Variants in NKTR observed in about 807,000 individuals in gnomAD.
NKTR encodes the protein NK-tumor recognition protein.
NKTR carries 67 observed loss-of-function variants against 156.3 expected under a neutral mutation model. That is an observed-to-expected ratio of 0.43 (90% CI 0.35 to 0.53). NKTR has a LOEUF of 0.53. Among genes scored for constraint, NKTR ranks in the 20% least tolerant of loss-of-function variants. The pLI is 0.01. For missense variants in NKTR, 1,604 were observed against 1,730.9 expected (o/e 0.93, Z 1.30); for synonymous variants, 640 against 596.6 (o/e 1.07, Z -1.06).
chr3:42,636,195 T>C (rs1298713210), intron 12 of NKTR, among the ~76,000 whole-genome samples: 1 of 152,168 alleles, frequency 6.6e-6, no homozygotes, highest in Non-Finnish European at 1.5e-5. Context: ...TCTTTTTCTC[T>C]GGGGACATCC....
At chr3:42,616,675 C>T (rs1391693103) in intron 2 of NKTR, among the ~76,000 whole-genome samples, 4 of 152,190 alleles carry the variant, frequency 2.6e-5, no homozygotes, top group Non-Finnish European at 5.9e-5. Context: ...AAGTTGCTGA[C>T]TTTTCCTTGT....
At chr3:42,613,752 A>G (rs1232841292) in intron 2 of NKTR, among the ~76,000 whole-genome samples, 1 of 152,202 alleles carries the variant, frequency 6.6e-6, no homozygotes, top group Non-Finnish European at 1.5e-5. Flanking sequence ...TCTGTAGTCA[A>G]AGCTTAACAT....
At chr3:42,630,340 A>T (rs1577526203) in intron 6 of NKTR, 2 of 1,391,732 alleles carry the variant, frequency 1.4e-6, no homozygotes, top group East Asian at 2.6e-5. Context: ...GTAATTCATT[A>T]TAATCTTGAG....
At chr3:42,608,764 C>G (rs1266551297) in intron 2 of NKTR, among the ~76,000 whole-genome samples, 1 of 152,122 alleles carries the variant, frequency 6.6e-6, no homozygotes, top group Non-Finnish European at 1.5e-5. Context: ...GGGGGTCTGC[C>G]AAGAGTCTCT....
intron 7 of NKTR, chr3:42,630,925 C>T: frequency 1.4e-6 from 2 of 1,382,864 alleles, no homozygotes; most frequent in Non-Finnish European, 9.3e-7. Flanking sequence ...TGTTACCAGA[C>T]TCTTTACCCT....
chr3:42,611,357 T>C (rs1216128235), intron 2 of NKTR, among the ~76,000 whole-genome samples: 4 of 152,198 alleles, frequency 2.6e-5, no homozygotes, highest in African/African-American at 7.2e-5. Flanking sequence ...TTGTTTTATA[T>C]CTTTTACTAG....
chr3:42,623,317 C>G (rs1223523271), intron 6 of NKTR, among the ~76,000 whole-genome samples: 1 of 151,954 alleles, frequency 6.6e-6, no homozygotes, highest in Non-Finnish European at 1.5e-5. Flanking sequence ...CACTGAACTT[C>G]TGATTGAAAG....
intron 15 of NKTR, 42 bp downstream of exon 15, chr3:42,643,437 A>G: frequency 6.7e-7 from 1 of 1,491,506 alleles, no homozygotes; most frequent in Non-Finnish European, 9.3e-7. Context: ...GGCAGAACTG[A>G]AAGATCTTGT....
At chr3:42,626,582 C>T (rs77761420) in intron 6 of NKTR, among the ~76,000 whole-genome samples, 4 of 152,246 alleles carry the variant, frequency 2.6e-5, no homozygotes, top group Non-Finnish European at 5.9e-5. Context: ...GACTTAACTT[C>T]AATGTGTATC....
At position 42,645,756 on chromosome 3, in the gene NKTR, T is replaced by A. The variant is rs189396719; in HGVS notation, c.4302-132T>A. The A allele has an allele frequency of 3.2e-5, 18 of 556,588 alleles. No individual in the cohort carries two copies. The East Asian group carries it at 4.7e-4, about 14-fold the overall frequency. The allele number at this position is 556,588 out of a possible 1,614,324, so 34.5% of individuals were successfully genotyped here. On this transcript the variant is annotated intron_variant, in intron 16 of 16. Transcript: ENST00000232978. ...CCTCTGTGTTATGCTGCATCAATAGTGCATCAGTTATATGAGTGGCTTGAA... is the reference window on the plus strand; with the variant it reads ...CCTCTGTGTTATGCTGCATCAATAGAGCATCAGTTATATGAGTGGCTTGAA...
rs746342809 is a variant in NKTR, at chr3:42,617,576, G to T, written c.65G>T (p.Arg22Leu). Residue 22 changes from arginine (R) to leucine (L), a missense_variant, in exon 3 of 17, where the codon CGC becomes CTC. This residue lies in a region of NKTR where 73 missense variants were observed against 90.7 expected (regional missense o/e 0.80). Transcript: ENST00000232978. ...CCTATGTATTTTATTTCAGTTGGTC[G>T]CATTATGTTTCAGCTCTTCTCAGAC... The part of the protein sequence containing the change: ...DIEINREPVG[R>L]IMFQLFSDIC... The T allele has an allele frequency of 6.3e-7, 1 of 1,579,454 alleles. No individual in the cohort carries two copies. Among genetic ancestry groups the T allele is most frequent in the East Asian group, 2.2e-5 (1 of 44,478 alleles).
chr3:42,629,988 C>G, intron 6 of NKTR: 1 of 985,374 alleles, frequency 1.0e-6, no homozygotes, highest in Non-Finnish European at 1.2e-6. Flanking sequence ...AGAGCTTCAC[C>G]TTGGGTGAAG....
intron 2 of NKTR, among the ~76,000 whole-genome samples, chr3:42,614,547 A>G (rs551427744): frequency 6.6e-6 from 1 of 152,280 alleles, no homozygotes; most frequent in East Asian, 1.9e-4. Context: ...TCAATAAAAA[A>G]TATTTGTTGA....
intron 2 of NKTR, among the ~76,000 whole-genome samples, chr3:42,605,789 T>C (rs1430196887): frequency 6.6e-6 from 1 of 152,208 alleles, no homozygotes; most frequent in Non-Finnish European, 1.5e-5. Flanking sequence ...ACTTGCACTG[T>C]ATATGCTCAT....
intron 2 of NKTR, among the ~76,000 whole-genome samples, chr3:42,613,530 G>A (rs1015790262): frequency 6.6e-6 from 1 of 152,086 alleles, no homozygotes; most frequent in East Asian, 1.9e-4. Flanking sequence ...TCTAATTGAT[G>A]CTCACTTTTC....
chr3:42,608,942 G>A (rs1298581271), intron 2 of NKTR, among the ~76,000 whole-genome samples: 8 of 152,044 alleles, frequency 5.3e-5, no homozygotes, highest in South Asian at 2.1e-4. Context: ...CCTGGCCAAC[G>A]TGGTGAAACC....
intron 2 of NKTR, among the ~76,000 whole-genome samples, chr3:42,603,210 T>A (rs1429974212): frequency 6.7e-6 from 1 of 149,158 alleles, no homozygotes; most frequent in Non-Finnish European, 1.5e-5. Flanking sequence ...CAAAAAACAA[T>A]TTTTTTTTAA....
intron 10 of NKTR, among the ~76,000 whole-genome samples, chr3:42,634,139 A>T (rs1709170280): frequency 6.6e-6 from 1 of 152,196 alleles, no homozygotes. Context: ...TGAATAGTGC[A>T]TAATTAATTG....
intron 6 of NKTR, chr3:42,627,577 G>A: frequency 1.0e-6 from 1 of 985,074 alleles, no homozygotes; most frequent in South Asian, 4.7e-5. Flanking sequence ...TTTTGGAGTA[G>A]CAGTGACACT....
Sources: allele counts gnomAD v4.1 joint callset (sites outside exome capture counted in the v4.1 genomes callset), GRCh38; gene constraint gnomAD v4.1.1; regional missense constraint gnomAD v4.1.1; transcripts MANE v1.5; gene names NCBI Gene and HGNC (gene_info 2026-07-23, HGNC 2026-07-21).